The following ANKMY2 variants were observed in gnomAD, a reference collection of about 807,000 sequenced individuals.
The protein encoded by ANKMY2 is ankyrin repeat and MYND domain-containing protein 2.
In ANKMY2, 36 loss-of-function variants were observed where a neutral mutation model predicts 50.4. The observed-to-expected ratio is 0.71, with a 90% CI of 0.55 to 0.94. The LOEUF (loss-of-function observed/expected upper bound fraction) is 0.94, where lower values mean the gene tolerates loss of function less well. ANKMY2 is among the 40% of genes least tolerant of loss of function. The pLI is 0.00. For missense variants in ANKMY2, 565 were observed against 524.0 expected (o/e 1.08, Z -0.76); for synonymous variants, 187 against 178.8 (o/e 1.05, Z -0.36).
At chr7:16,635,572 C>A (rs972837914) in intron 2 of ANKMY2, among the ~76,000 whole-genome samples, 3 of 152,140 alleles carry the variant, frequency 2.0e-5, no homozygotes, top group African/African-American at 7.2e-5. Context: ...TATCCATTTC[C>A]TCAGTCAAAC....
intron 2 of ANKMY2, among the ~76,000 whole-genome samples, chr7:16,635,631 T>A (rs1353665254): frequency 2.0e-5 from 3 of 152,228 alleles, no homozygotes; most frequent in African/African-American, 7.2e-5. Flanking sequence ...ATGGCTACTG[T>A]AATGCTCAGA....
rs561670690 is a variant in ANKMY2 at position 16,636,280 on chromosome 7, G to A, written c.132+111C>T. 119 of 700,252 alleles carry A rather than the reference G, an allele frequency of 1.7e-4. 1 individual carries two copies. The East Asian group carries it at 4.1e-3, about 24-fold the overall frequency. 43.4% of individuals were successfully genotyped at this position (700,252 alleles called of 1,614,324 possible). ...ATTGTGCCACTGCATTCCAGCCTGG[G>A]CGAAAGAGCAACACTCCATCTCAAA... On this transcript the variant is annotated intron_variant, in intron 2 of 9. Coordinates refer to ENST00000306999, the MANE Select transcript of ANKMY2 (RefSeq NM_020319.3).
intron 1 of ANKMY2, among the ~76,000 whole-genome samples, chr7:16,637,385 T>TA (rs1781678263): frequency 6.6e-6 from 1 of 152,180 alleles, no homozygotes; most frequent in Non-Finnish European, 1.5e-5. Flanking sequence ...AAATAAAGAT[T>TA]AGCATGCTTT....
intron 1 of ANKMY2, among the ~76,000 whole-genome samples, chr7:16,638,880 A>G (rs766460574): frequency 6.6e-6 from 1 of 152,154 alleles, no homozygotes; most frequent in Non-Finnish European, 1.5e-5. Context: ...TCAGGAGATT[A>G]TAAGGGTTTT....
At chr7:16,606,641 TC>T (rs1781166110) in intron 7 of ANKMY2, among the ~76,000 whole-genome samples, 1 of 152,308 alleles carries the variant, frequency 6.6e-6, no homozygotes, top group African/African-American at 2.4e-5. Flanking sequence ...TGCTTTTTCT[TC>T]CTAAGAATAT....
chr7:16,620,655 T>C (rs1412377990), intron 4 of ANKMY2, among the ~76,000 whole-genome samples: 1 of 144,054 alleles, frequency 6.9e-6, no homozygotes, highest in East Asian at 2.0e-4. Flanking sequence ...TCAAGTAAAA[T>C]AAAGAGTAAA....
At chr7:16,619,374 G>A (rs113750843) in intron 4 of ANKMY2, among the ~76,000 whole-genome samples, 18,263 of 151,920 alleles carry the variant, frequency 0.12, 1,206 homozygotes, top group Middle Eastern at 0.24. Context: ...GGCTGGTCTC[G>A]AACTCCCAAC....
At chr7:16,605,657 C>T (rs1467737970) in intron 7 of ANKMY2, among the ~76,000 whole-genome samples, 1 of 150,342 alleles carries the variant, frequency 6.7e-6, no homozygotes, top group Non-Finnish European at 1.5e-5. Flanking sequence ...GCCACTACGC[C>T]CAGCTAATTT....
At position 16,636,302 on chromosome 7, in the gene ANKMY2, CAAAAAAAA is replaced by C. The variant is rs376207917; in HGVS notation, c.132+81_132+88del. On this transcript the variant is annotated intron_variant, in intron 2 of 9. Transcript: ENST00000306999. Reference sequence around the variant, plus strand: ...TGGGCGAAAGAGCAACACTCCATCTCAAAAAAAAAAAAAAAAAAAAAAAAAAAAAGGAT... The same window carrying C: ...TGGGCGAAAGAGCAACACTCCATCTCAAAAAAAAAAAAAAAAAAAAAGGAT... The C allele has an allele frequency of 1.2e-4, 25 of 214,380 alleles. 1 individual carries two copies. Among genetic ancestry groups the C allele is most frequent in the Admixed American group, 5.7e-4 (3 of 5,254 alleles). The allele number at this position is 214,380 out of a possible 1,614,324, so 13.3% of individuals were successfully genotyped here. A position where few individuals can be genotyped will look rare whatever the true frequency, so the allele number is the denominator to read the frequency against.
chr7:16,626,928 T>G lies in ANKMY2; in HGVS notation c.271+112A>C, dbSNP rs1285557276. ...AACCAATTGCCATCATTCCTTTCCA[T>G]AAAACTTGACCATAAAATTACTAAA... On this transcript the variant is annotated intron_variant, in intron 3 of 9. Transcript: ENST00000306999. 9 of 931,432 alleles carry G rather than the reference T, an allele frequency of 9.7e-6. No individual in the cohort carries two copies. The East Asian group carries it at 2.9e-4, about 30-fold the overall frequency. The allele number at this position is 931,432 out of a possible 1,614,324, so 57.7% of individuals were successfully genotyped here.
intron 8 of ANKMY2, among the ~76,000 whole-genome samples, chr7:16,603,187 T>C (rs1781099391): frequency 6.6e-6 from 1 of 152,184 alleles, no homozygotes. Flanking sequence ...TGTGCCAGAA[T>C]TGGTACAGTA....
At chr7:16,645,400 C>G in intron 1 of ANKMY2, 107 bp downstream of exon 1, 2 of 1,143,670 alleles carry the variant, frequency 1.7e-6, no homozygotes, top group Middle Eastern at 2.9e-4. Flanking sequence ...GGCTGCAAAC[C>G]TTGCAGAACC....
chr7:16,625,759 C>T (rs1213389815), intron 3 of ANKMY2, among the ~76,000 whole-genome samples: 2 of 152,296 alleles, frequency 1.3e-5, no homozygotes, highest in East Asian at 3.9e-4. Context: ...GACTGACATG[C>T]ACTCCCCCAA....
At chr7:16,624,855 G>T in intron 4 of ANKMY2, 128 bp downstream of exon 4, 2 of 694,640 alleles carry the variant, frequency 2.9e-6, no homozygotes, top group South Asian at 1.9e-5. Context: ...AAGTTACAGT[G>T]GACTGTAAAT....
In ANKMY2 at chr7:16,645,062, G is replaced by A. The variant is rs184078848; in HGVS notation, c.67+445C>T. ...AGGGCGCCCTCCACTCCCAAGCGGG[G>A]GCGGGGATCGGCAAAGGATCCAGAT... On this transcript the variant is annotated intron_variant, in intron 1 of 9. Transcript: ENST00000306999. 4.5e-3 allele frequency among the ~76,000 whole-genome samples: 682 copies of A among 152,238 alleles called. 1 individual carries two copies. The highest frequency in any genetic ancestry group is 7.3e-3 in the Non-Finnish European group (498 of 67,990).
In ANKMY2 at chr7:16,645,568, A is replaced by G. The variant is rs771515700; in HGVS notation, c.6T>C (p.Val2=). 3 of 1,611,692 alleles carry G rather than the reference A, an allele frequency of 1.9e-6. No individual in the cohort carries two copies. Among genetic ancestry groups the G allele is most frequent in the Admixed American group, 3.4e-5 (2 of 59,690 alleles). Residue 2 remains valine, a synonymous_variant, in exon 1 of 10, where the codon GTT becomes GTC. Transcript: ENST00000306999. Reference sequence around the variant, plus strand: ...GGGTCAGCTCGCCTTTCTTTATGTGAACCATTGCTCCCGCCAGCTTGAAGG... The same window carrying G: ...GGGTCAGCTCGCCTTTCTTTATGTGGACCATTGCTCCCGCCAGCTTGAAGG... M[V]HIKKGELTQE...
chr7:16,611,849 C>A (rs1345211001), intron 5 of ANKMY2, among the ~76,000 whole-genome samples: 1 of 152,168 alleles, frequency 6.6e-6, no homozygotes, highest in Non-Finnish European at 1.5e-5. Flanking sequence ...TACTCACAAA[C>A]CAATCAGCAT....
intron 3 of ANKMY2, among the ~76,000 whole-genome samples, chr7:16,625,641 C>T (rs996599434): frequency 1.3e-5 from 2 of 152,082 alleles, no homozygotes; most frequent in Non-Finnish European, 2.9e-5. Context: ...TTCATTTTCG[C>T]AAGTTTGAAT....
At chr7:16,639,516 T>C (rs927554126) in intron 1 of ANKMY2, among the ~76,000 whole-genome samples, 8 of 152,326 alleles carry the variant, frequency 5.3e-5, no homozygotes, top group Admixed American at 2.6e-4. Context: ...TAGGGTGGAA[T>C]TGATCACTTT....
Sources: gnomAD v4.1 joint callset for allele counts (sites outside exome capture counted in the v4.1 genomes callset) on GRCh38, gnomAD v4.1.1 for gene constraint, MANE v1.5 for transcripts, NCBI Gene and HGNC (gene_info 2026-07-23, HGNC 2026-07-21) for gene names.